CEP85L: variants seen among roughly 807,000 people sequenced by gnomAD.
The protein encoded by CEP85L is centrosomal protein 85L.
CEP85L carries 60 observed loss-of-function variants against 100.3 expected under a neutral mutation model. That is an observed-to-expected ratio of 0.60 (90% CI 0.49 to 0.74). The LOEUF (loss-of-function observed/expected upper bound fraction) is 0.74, where lower values mean the gene tolerates loss of function less well. CEP85L is among the 30% of genes least tolerant of loss of function. CEP85L has a pLI of 0.00. For missense variants in CEP85L, 973 were observed against 936.2 expected, an observed-to-expected ratio of 1.04 and a Z score of -0.51; for synonymous variants, 319 against 322.7, an observed-to-expected ratio of 0.99 and a Z score of 0.12.
intron 1 of CEP85L, 114 bp downstream of exon 1, chr6:118,651,083 G>A: frequency 1.5e-6 from 2 of 1,358,694 alleles, no homozygotes; most frequent in East Asian, 6.2e-5. Context: ...GCGGCGTCGG[G>A]GAGGCGGCCG....
intron 1 of CEP85L, among the ~76,000 whole-genome samples, chr6:118,703,295 T>C (rs936154179): frequency 1.3e-5 from 2 of 152,234 alleles, no homozygotes; most frequent in Non-Finnish European, 2.9e-5. Flanking sequence ...GTAGTCTTTA[T>C]GCAGTAATAA....
chr6:118,707,662 A>G (rs912525183), intron 1 of CEP85L, among the ~76,000 whole-genome samples: 1 of 152,228 alleles, frequency 6.6e-6, no homozygotes, highest in African/African-American at 2.4e-5. Flanking sequence ...TCTGTAGGAT[A>G]CATAGAAATT....
At chr6:118,570,504 C>T (rs1779825088) in intron 2 of CEP85L, among the ~76,000 whole-genome samples, 1 of 152,150 alleles carries the variant, frequency 6.6e-6, no homozygotes, top group South Asian at 2.1e-4. Context: ...AATTTCACAT[C>T]AGACTAGTGT....
intron 1 of CEP85L, among the ~76,000 whole-genome samples, chr6:118,633,754 A>G (rs951765317): frequency 2.0e-5 from 3 of 152,228 alleles, no homozygotes. Context: ...TACTATAATT[A>G]GAAAGAGAAA....
intron 1 of CEP85L, among the ~76,000 whole-genome samples, chr6:118,643,782 A>G (rs989271116): frequency 2.0e-5 from 3 of 152,336 alleles, no homozygotes; most frequent in East Asian, 1.9e-4. Context: ...ATACAGTACT[A>G]AAGTCTGGTT....
At chr6:118,598,920 A>G (rs1322508886) in intron 2 of CEP85L, among the ~76,000 whole-genome samples, 4 of 152,204 alleles carry the variant, frequency 2.6e-5, no homozygotes, top group Non-Finnish European at 5.9e-5. Flanking sequence ...GAAGTTATAG[A>G]TAAGCAAGGG....
At chr6:118,530,566 G>A (rs187833811) in intron 3 of CEP85L, among the ~76,000 whole-genome samples, 89 of 152,226 alleles carry the variant, frequency 5.8e-4, no homozygotes, top group African/African-American at 1.9e-3. Context: ...AATAGGAAGA[G>A]AGAAGTCAAA....
At chr6:118,652,712 G>A, upstream of CEP85L, 1 of 1,542,462 alleles carries the variant, frequency 6.5e-7, no homozygotes, top group South Asian at 1.2e-5. Flanking sequence ...CATCCGTGTT[G>A]TAATTTATCT....
chr6:118,593,443 GAGT>G (rs1405128489), intron 2 of CEP85L, among the ~76,000 whole-genome samples: 4 of 151,990 alleles, frequency 2.6e-5, no homozygotes, highest in Admixed American at 6.6e-5. Flanking sequence ...GGCAAAGCAG[GAGT>G]AGGTGTCTTA....
chr6:118,684,308 T>C (rs2638528), intron 1 of CEP85L, among the ~76,000 whole-genome samples: 14,023 of 152,104 alleles, frequency 0.092, 1,209 homozygotes, highest in African/African-American at 0.22. Context: ...AAAGACCAGC[T>C]GGAGCAACAT....
intron 2 of CEP85L, among the ~76,000 whole-genome samples, chr6:118,621,349 G>A (rs541822992): frequency 6.6e-6 from 1 of 152,308 alleles, no homozygotes; most frequent in East Asian, 1.9e-4. Context: ...ACGGTTCACT[G>A]TTCTGGACCT....
chr6:118,625,862 C>T (rs1397956199), intron 2 of CEP85L, among the ~76,000 whole-genome samples: 2 of 152,132 alleles, frequency 1.3e-5, no homozygotes, highest in Non-Finnish European at 2.9e-5. Flanking sequence ...TTTATTTCCT[C>T]TAGGATAAAG....
At chr6:118,577,200 G>C (rs796407363) in intron 2 of CEP85L, among the ~76,000 whole-genome samples, 11 of 152,276 alleles carry the variant, frequency 7.2e-5, no homozygotes, top group African/African-American at 2.4e-4. Flanking sequence ...GGGATGCAGT[G>C]AATCTAAGCC....
chr6:118,540,160 C>G (rs1777827321), intron 3 of CEP85L, among the ~76,000 whole-genome samples: 2 of 151,230 alleles, frequency 1.3e-5, no homozygotes, highest in Non-Finnish European at 2.9e-5. Flanking sequence ...ATTTATCAGC[C>G]TTGAAAAAAA....
intron 2 of CEP85L, among the ~76,000 whole-genome samples, chr6:118,608,442 C>T (rs964646718): frequency 2.0e-5 from 3 of 151,516 alleles, no homozygotes; most frequent in East Asian, 1.9e-4. Flanking sequence ...TTGCAGTGAG[C>T]GGAGATCGCA....
Position 118,706,453 on chromosome 6 carries a change from GC to G in CEP85L, c.-28+3582del, listed in dbSNP as rs368842065. ...GCCTAGCCAGAACTGGAATTGGCAA[GC>G]TTTTTCTTTCTAGAATCTAGCCCCT... is the stretch of plus-strand genomic sequence containing the variant. On this transcript the variant is annotated intron_variant, in intron 1 of 13. Transcript: ENST00000368488. Among the ~76,000 whole-genome samples, 15 of 152,276 alleles carry G rather than the reference GC, an allele frequency of 9.9e-5. No individual in the cohort carries two copies. The East Asian group carries it at 2.5e-3, about 25-fold the overall frequency.
chr6:118,660,455 T>G (rs914409316), intron 1 of CEP85L, among the ~76,000 whole-genome samples: 2 of 152,228 alleles, frequency 1.3e-5, no homozygotes, highest in African/African-American at 4.8e-5. Context: ...GGGGCCATAC[T>G]GTCATTTATA....
At chr6:118,591,715 T>C (rs1394362969) in intron 2 of CEP85L, among the ~76,000 whole-genome samples, 2 of 152,222 alleles carry the variant, frequency 1.3e-5, no homozygotes, top group Non-Finnish European at 2.9e-5. Flanking sequence ...TCCCACCCTG[T>C]TGAGTGTGCT....
chr6:118,528,836 T>C (rs1368387021), intron 3 of CEP85L, among the ~76,000 whole-genome samples: 1 of 152,156 alleles, frequency 6.6e-6, no homozygotes, highest in East Asian at 1.9e-4. Context: ...AAAAAAATCA[T>C]ATTGTGAAGT....
Sources: gnomAD v4.1 joint callset for allele counts (sites outside exome capture counted in the v4.1 genomes callset) on GRCh38, gnomAD v4.1.1 for gene constraint, MANE v1.5 for transcripts, NCBI Gene and HGNC (gene_info 2026-07-23, HGNC 2026-07-21) for gene names.